GNE: variants seen among roughly 807,000 people sequenced by gnomAD.
GNE encodes the protein glucosamine (UDP-N-acetyl)-2-epimerase/N-acetylmannosamine kinase.
A neutral mutation model predicts 61.8 loss-of-function variants in GNE; 41 were observed. That is an observed-to-expected ratio of 0.66 (90% CI 0.52 to 0.86). GNE has a LOEUF of 0.86. Ranked by LOEUF, GNE falls within the 40% of genes least tolerant of loss-of-function variation. GNE has a pLI of 0.00. For synonymous variants in GNE, 264 were observed against 326.4 expected (o/e 0.81, Z 2.06); for missense variants, 608 against 909.1 (o/e 0.67, Z 4.26).
Position 36,234,102 on chromosome 9 carries a change from T to G in GNE, c.800A>C (p.Lys267Thr). The G allele has an allele frequency of 6.2e-7, 1 of 1,613,918 alleles. No individual in the cohort carries two copies. Among genetic ancestry groups the G allele is most frequent in the Non-Finnish European group, 8.5e-7 (1 of 1,179,798 alleles). Residue 267 changes from lysine to threonine, a missense_variant, in exon 5 of 12, where the codon AAG (lysine) becomes ACG (threonine). By Grantham distance (78) the Lys-to-Thr change is moderately conservative. Transcript: ENST00000642385. Reference protein sequence around the residue: ...GSKEMVRVMRKKGIEHHPNFR... With the variant: ...GSKEMVRVMRTKGIEHHPNFR... Reference sequence around the variant, plus strand: ...GTTGGGATGATGCTCAATGCCCTTCTTCCGCATCACTCGAACCATCTCTTT... The same window carrying G: ...GTTGGGATGATGCTCAATGCCCTTCGTCCGCATCACTCGAACCATCTCTTT...
intron 6 of GNE, 61 bp from the exon 7 acceptor site, chr9:36,227,519 G>A: frequency 9.6e-7 from 1 of 1,037,622 alleles, no homozygotes; most frequent in Non-Finnish European, 1.5e-6. Flanking sequence ...AAGTGGTAGT[G>A]AGGGTATAAT....
chr9:36,268,969 A>G (rs1830912110), intron 1 of GNE, among the ~76,000 whole-genome samples: 1 of 151,880 alleles, frequency 6.6e-6, no homozygotes, highest in Non-Finnish European at 1.5e-5. Flanking sequence ...ATCTCTACTA[A>G]AAATATAAAA....
At chr9:36,271,865 G>T (rs1029952085) in intron 1 of GNE, among the ~76,000 whole-genome samples, 1 of 152,054 alleles carries the variant, frequency 6.6e-6, no homozygotes, top group African/African-American at 2.4e-5. Flanking sequence ...GCCCTGTTTG[G>T]TATGCTTGTC....
In GNE at chr9:36,218,202, G is replaced by T; in HGVS notation, c.1914C>A (p.Ala638=). 1 of 1,613,102 alleles carries T rather than the reference G, an allele frequency of 6.2e-7. No individual in the cohort carries two copies. Among genetic ancestry groups the T allele is most frequent in the East Asian group, 2.2e-5 (1 of 44,866 alleles). The part of the protein sequence containing the change: ...IQAAKLGNAK[A]QSILRTAGTA... ...GCTCACCTGTTCTTAGGATGCTCTG[G>T]GCCTTCGCATTGCCAAGTTTCGCAG... Residue 638 remains alanine, a synonymous_variant, in exon 11 of 12, where the codon GCC becomes GCA. Coordinates refer to ENST00000642385, the MANE Select transcript of GNE (RefSeq NM_005476.7). This position sits in a 1 kb window ranked among gnomAD's most constrained non-coding sequence, Gnocchi z 4.1.
Position 36,233,921 on chromosome 9 carries a change from T to C in GNE, c.981A>G (p.Thr327=). 1 of 1,611,266 alleles carries C rather than the reference T, an allele frequency of 6.2e-7. No homozygotes were observed. The highest frequency in any genetic ancestry group is 8.5e-7 in the Non-Finnish European group (1 of 1,177,382). Reference sequence around the variant, plus strand: ...TGAAGTATGAGCAAAGGTAAATACCTGTTTCTCTTCCAATCTGACGTGTTC... The same window carrying C: ...TGAAGTATGAGCAAAGGTAAATACCCGTTTCTCTTCCAATCTGACGTGTTC... ...NLGTRQIGRE[T]GENVLHVRDA... The change falls in exon 5 of 12, where the codon ACA becomes ACG. Residue 327 remains threonine, a splice_region_variant and synonymous_variant. Transcript: ENST00000642385.
At chr9:36,232,048 A>G (rs1275127889) in intron 5 of GNE, among the ~76,000 whole-genome samples, 2 of 152,176 alleles carry the variant, frequency 1.3e-5, no homozygotes, top group Admixed American at 6.6e-5. Flanking sequence ...AGAACCAAGG[A>G]GATTAGTTCT....
At chr9:36,257,389 C>G (rs961060109) in intron 1 of GNE, among the ~76,000 whole-genome samples, 1 of 152,184 alleles carries the variant, frequency 6.6e-6, no homozygotes, top group Non-Finnish European at 1.5e-5. Flanking sequence ...GGTTTGGCTT[C>G]AACTGCGGCG....
At chr9:36,242,218 G>A (rs1730878248) in intron 3 of GNE, among the ~76,000 whole-genome samples, 1 of 151,002 alleles carries the variant, frequency 6.6e-6, no homozygotes, top group African/African-American at 2.4e-5. Context: ...TATATAAAAT[G>A]TATTACTGCC....
At chr9:36,246,712 A>G (rs868617300) in intron 2 of GNE, among the ~76,000 whole-genome samples, 2 of 127,964 alleles carry the variant, frequency 1.6e-5, no homozygotes, top group African/African-American at 6.1e-5. Context: ...TCTGTTGCCC[A>G]GGCTGGAGTG....
Position 36,218,209 on chromosome 9 carries a change from G to T in GNE, c.1907C>A (p.Ala636Glu). 1 of 1,613,344 alleles carries T rather than the reference G, an allele frequency of 6.2e-7. No homozygotes were observed. The highest frequency in any genetic ancestry group is 1.1e-5 in the South Asian group (1 of 91,068). Residue 636 changes from alanine (A) to glutamate (E), a missense_variant, in exon 11 of 12, where the codon GCG becomes GAG. Coordinates refer to ENST00000642385, the MANE Select transcript of GNE (RefSeq NM_005476.7). This position sits in a 1 kb window ranked among gnomAD's most constrained non-coding sequence, Gnocchi z 4.1. ...HLIQAAKLGN[A>E]KAQSILRTAG... is the part of the protein sequence containing the mutation. ...TGTTCTTAGGATGCTCTGGGCCTTC[G>T]CATTGCCAAGTTTCGCAGCTTGGAT...
chr9:36,222,672 G>T, intron 9 of GNE, 105 bp downstream of exon 9: 1 of 844,306 alleles, frequency 1.2e-6, no homozygotes, highest in Non-Finnish European at 2.1e-6. Context: ...CTCTAGTCAT[G>T]CAGGAAGTGA....
intron 3 of GNE, among the ~76,000 whole-genome samples, chr9:36,244,699 A>C (rs1047000830): frequency 1.3e-4 from 19 of 151,940 alleles, no homozygotes. Context: ...GCACTTTGGG[A>C]GGCCGAGGTG....
intron 3 of GNE, among the ~76,000 whole-genome samples, chr9:36,238,123 T>TACACAC (rs201513947): frequency 0.12 from 15,471 of 128,974 alleles, 1,090 homozygotes; most frequent in South Asian, 0.2. Context: ...TATATATAGA[T>TACACAC]ACACACACAC....
Position 36,216,782 on chromosome 9 carries a change from C to T in GNE, c.*583G>A, listed in dbSNP as rs182741472. ...CGCCTCCCTGGTTCATGCCATTCTC[C>T]TGCCTCAGCCTCCCGAGTAGCTGGG... On this transcript the variant is annotated 3_prime_UTR_variant, in exon 12 of 12. Transcript: ENST00000642385. 416 of 161,464 alleles carry T rather than the reference C, an allele frequency of 2.6e-3. 1 individual carries two copies. Among genetic ancestry groups the T allele is most frequent in the African/African-American group, 7.1e-3 (296 of 41,540 alleles). 10.0% of individuals were successfully genotyped at this position (161,464 alleles called of 1,614,324 possible). A position where few individuals can be genotyped will look rare whatever the true frequency, so the allele number is the denominator to read the frequency against.
rs1042686323 is a variant in GNE, at chr9:36,216,111, A to C, written c.*1254T>G. The C allele has an allele frequency of 5.9e-6, 2 of 338,994 alleles. No homozygotes were observed. The highest frequency in any genetic ancestry group is 3.4e-5 in the Admixed American group (1 of 29,386). 21.0% of individuals were successfully genotyped at this position (338,994 alleles called of 1,614,324 possible). ...CAAATGGTATCCAGGATTAGGGGGG[A>C]TATCTGAGATGGGGGAGTGATAGAT... On this transcript the variant is annotated 3_prime_UTR_variant, in exon 12 of 12. Transcript: ENST00000642385.
intron 3 of GNE, among the ~76,000 whole-genome samples, chr9:36,237,904 A>G (rs1829462860): frequency 6.6e-6 from 1 of 152,040 alleles, no homozygotes; most frequent in Non-Finnish European, 1.5e-5. Flanking sequence ...CAGTGAGAGC[A>G]TACAATGTTT....
chr9:36,225,542 C>CA (rs34119787), intron 7 of GNE, among the ~76,000 whole-genome samples: 1 of 152,022 alleles, frequency 6.6e-6, no homozygotes, highest in Non-Finnish European at 1.5e-5. Context: ...GGCTGAAGCA[C>CA]AAAAATCACT....
chr9:36,244,713 G>A (rs1201801104), intron 3 of GNE, among the ~76,000 whole-genome samples: 14 of 151,776 alleles, frequency 9.2e-5, no homozygotes, highest in Admixed American at 7.9e-4. Context: ...CGAGGTGGGC[G>A]GATTATGAGG....
chr9:36,249,276 G>A lies in GNE; in HGVS notation c.80C>T (p.Pro27Leu), dbSNP rs1236647498. ...CNRADYSKLA[P>L]IMFGIKTEPE... Reference sequence around the variant, plus strand: ...TTCGGTTTTAATGCCAAACATGATCGGGGCAAGTTTAGAATAATCTGCACG... The same window carrying A: ...TTCGGTTTTAATGCCAAACATGATCAGGGCAAGTTTAGAATAATCTGCACG... Residue 27 changes from proline (P) to leucine (L), a missense_variant, in exon 2 of 12, where the codon CCG becomes CTG. By Grantham distance (98) the Pro-to-Leu change is moderately conservative (BLOSUM62 -3). Coordinates refer to ENST00000642385, the MANE Select transcript of GNE (RefSeq NM_005476.7). The A allele has an allele frequency of 3.1e-6, 5 of 1,614,038 alleles. No homozygotes were observed. The highest frequency in any genetic ancestry group is 4.2e-6 in the Non-Finnish European group (5 of 1,179,916).
Sources: allele counts gnomAD v4.1 joint callset (sites outside exome capture counted in the v4.1 genomes callset), GRCh38; gene constraint gnomAD v4.1.1; non-coding constraint Gnocchi (gnomAD v3.1); transcripts MANE v1.5; gene names NCBI Gene and HGNC (gene_info 2026-07-23, HGNC 2026-07-21).